Variants in FAAH2 observed in about 807,000 individuals in gnomAD.
FAAH2 encodes fatty-acid amide hydrolase 2.
FAAH2 carries 60 observed loss-of-function variants against 36.9 expected under a neutral mutation model. That is an observed-to-expected ratio of 1.63 (90% confidence interval 1.32 to 2.02). The LOEUF (loss-of-function observed/expected upper bound fraction) is 2.02, where lower values mean the gene tolerates loss of function less well. FAAH2 is among the 30% of genes most tolerant of loss of function. The probability of loss-of-function intolerance (pLI) is 0.00; values close to 1 mark genes in which losing one functional copy is unlikely to be tolerated. For synonymous variants in FAAH2, 214 were observed against 143.8 expected (o/e 1.49, Z -3.49); for missense variants, 689 against 397.5 (o/e 1.73, Z -6.23).
Position 57,425,173 on chromosome X carries a change from C to G in FAAH2, c.997-6745C>G, listed in dbSNP as rs998635041. On this transcript the variant is annotated intron_variant, in intron 7 of 10. Coordinates refer to ENST00000374900, the MANE Select transcript of FAAH2 (RefSeq NM_174912.4). Reference sequence around the variant, plus strand: ...GGTCTTTCAAATTAATCCACTCTGACAAAAAAAGAAATAGTTTCAAAAAAA... The same window carrying G: ...GGTCTTTCAAATTAATCCACTCTGAGAAAAAAAGAAATAGTTTCAAAAAAA... Among the ~76,000 whole-genome samples the G allele has an allele frequency of 3.6e-5, 4 of 110,628 alleles. No homozygotes were observed. The East Asian group carries it at 1.1e-3, about 31-fold the overall frequency.
intron 7 of FAAH2, among the ~76,000 whole-genome samples, chrX:57,401,326 T>G (rs1465946065): frequency 9.0e-6 from 1 of 110,611 alleles, no homozygotes; most frequent in African/African-American, 3.3e-5. Context: ...ACAGTCCAGG[T>G]GAGTTGAGAC....
chrX:57,175,944 T>A, the FAAH2 span, among the ~76,000 whole-genome samples: 1 of 112,480 alleles, frequency 8.9e-6, no homozygotes, highest in East Asian at 2.8e-4. Context: ...AGTCTGCTTT[T>A]AGACTGATAA....
At chrX:57,171,570 G>A in the FAAH2 span, among the ~76,000 whole-genome samples, 1 of 111,326 alleles carries the variant, frequency 9.0e-6, no homozygotes, top group East Asian at 2.8e-4. Flanking sequence ...TTTGAGAAAT[G>A]TCTAGTCATG....
chrX:57,159,965 A>G, the FAAH2 span, among the ~76,000 whole-genome samples: 8 of 111,606 alleles, frequency 7.2e-5, no homozygotes, highest in East Asian at 2.8e-4. Context: ...TATGATATTG[A>G]CTGTGGGTTT....
intron 10 of FAAH2, among the ~76,000 whole-genome samples, chrX:57,470,231 G>A (rs1247867872): frequency 9.1e-6 from 1 of 110,374 alleles, no homozygotes; most frequent in Non-Finnish European, 1.9e-5. Context: ...CTAGCAGAAG[G>A]AGAGAAATAA....
At chrX:57,163,384 T>C in the FAAH2 span, among the ~76,000 whole-genome samples, 2 of 111,938 alleles carry the variant, frequency 1.8e-5, no homozygotes, top group Admixed American at 9.4e-5. Context: ...TGTGGTGGGC[T>C]CCACCCAGTT....
At chrX:57,131,155 G>A in the FAAH2 span, among the ~76,000 whole-genome samples, 8 of 102,357 alleles carry the variant, frequency 7.8e-5, no homozygotes, top group African/African-American at 2.6e-4. Context: ...GCGCAATCTC[G>A]GCTCACTGCA....
chrX:57,185,657 G>T, the FAAH2 span, among the ~76,000 whole-genome samples: 1 of 110,156 alleles, frequency 9.1e-6, no homozygotes, highest in Non-Finnish European at 1.9e-5. Context: ...TGTCAACTAG[G>T]TTTTAAGCCC....
intron 1 of FAAH2, among the ~76,000 whole-genome samples, chrX:57,291,721 A>G (rs2146787862): frequency 9.3e-6 from 1 of 107,523 alleles, no homozygotes; most frequent in South Asian, 4.0e-4. Flanking sequence ...TTGCTTTGCA[A>G]TTTTCTAATG....
chrX:57,389,067 T>C (rs192020121), intron 7 of FAAH2, among the ~76,000 whole-genome samples: 225 of 108,424 alleles, frequency 2.1e-3, no homozygotes, highest in African/African-American at 6.8e-3. Context: ...TAATCATTTA[T>C]GTGCACCTTT....
At chrX:57,455,387 A>G (rs758100823) in intron 10 of FAAH2, among the ~76,000 whole-genome samples, 2 of 111,435 alleles carry the variant, frequency 1.8e-5, no homozygotes, top group Non-Finnish European at 3.8e-5. Context: ...TAAAGCAGCT[A>G]TGCAGTCAAG....
At chrX:57,128,640 AACTGGCAAT>A in the FAAH2 span, among the ~76,000 whole-genome samples, 1 of 111,810 alleles carries the variant, frequency 8.9e-6, no homozygotes, top group Non-Finnish European at 1.9e-5. Context: ...TAGGAAAGAA[AACTGGCAAT>A]ACAGGAAAAA....
At chrX:57,216,283 C>T in the FAAH2 span, among the ~76,000 whole-genome samples, 1 of 104,925 alleles carries the variant, frequency 9.5e-6, no homozygotes, top group Non-Finnish European at 1.9e-5. Context: ...CTCTCCCATG[C>T]TTCTCCACAA....
At chrX:57,395,528 G>A (rs778228859) in intron 7 of FAAH2, 39 of 312,467 alleles carry the variant, frequency 1.2e-4, no homozygotes, top group Non-Finnish European at 1.5e-4. Context: ...TGTCATAGAT[G>A]GCTTTTATTA....
chrX:57,336,682 A>C (rs2053560074), intron 4 of FAAH2, among the ~76,000 whole-genome samples: 1 of 112,135 alleles, frequency 8.9e-6, no homozygotes, highest in South Asian at 3.7e-4. Context: ...GAAATCAAGA[A>C]GTTCTTTGAA....
intron 5 of FAAH2, among the ~76,000 whole-genome samples, chrX:57,346,384 T>A (rs1480852929): frequency 2.7e-5 from 3 of 111,933 alleles, no homozygotes; most frequent in African/African-American, 6.5e-5. Flanking sequence ...CCCTTCTTTG[T>A]CTTTCCTGAT....
At chrX:57,477,332 C>T (rs1448886919) in intron 10 of FAAH2, among the ~76,000 whole-genome samples, 1 of 110,574 alleles carries the variant, frequency 9.0e-6, no homozygotes, top group East Asian at 2.8e-4. Flanking sequence ...ATTTCATCAA[C>T]AAAGCAGGAT....
chrX:57,350,260 C>T (rs1214295471), intron 5 of FAAH2, among the ~76,000 whole-genome samples: 2 of 110,561 alleles, frequency 1.8e-5, no homozygotes, highest in African/African-American at 3.3e-5. Flanking sequence ...TCAAGAAGTC[C>T]TAAACATGAA....
At chrX:57,144,371 C>G in the FAAH2 span, among the ~76,000 whole-genome samples, 1 of 108,761 alleles carries the variant, frequency 9.2e-6, no homozygotes. Context: ...GTTTGAAACA[C>G]TTTTTGTTAT....
Sources: gnomAD v4.1 joint callset for allele counts (sites outside exome capture counted in the v4.1 genomes callset) on GRCh38, gnomAD v4.1.1 for gene constraint, MANE v1.5 for transcripts, NCBI Gene and HGNC (gene_info 2026-07-23, HGNC 2026-07-21) for gene names.